Variants in NBAS observed in about 807,000 individuals in gnomAD.
NBAS encodes NAG/BC035112 fusion.
NBAS carries 219 observed loss-of-function variants against 302.5 expected under a neutral mutation model. The ratio of observed to expected loss-of-function variants is 0.72; its 90% confidence interval spans 0.65 to 0.81. The LOEUF (loss-of-function observed/expected upper bound fraction) is 0.81. Among genes scored for constraint, NBAS ranks in the 30% least tolerant of loss-of-function variants. NBAS has a pLI of 0.00. For synonymous variants in NBAS, 1,118 were observed against 1,021.6 expected (o/e 1.09, Z -1.80); for missense variants, 2,932 against 2,841.6 (o/e 1.03, Z -0.72).
At chr2:15,230,654 T>C (rs948115211) in intron 47 of NBAS, among the ~76,000 whole-genome samples, 4 of 152,166 alleles carry the variant, frequency 2.6e-5, no homozygotes, top group Non-Finnish European at 4.4e-5. Flanking sequence ...AGAAGCCCCA[T>C]TGAAAGGGGA....
At chr2:15,341,439 A>G (rs2148268860) in intron 35 of NBAS, among the ~76,000 whole-genome samples, 1 of 151,770 alleles carries the variant, frequency 6.6e-6, no homozygotes, top group Admixed American at 6.6e-5. Flanking sequence ...GTAAAAGAAA[A>G]CTGTTAACAC....
chr2:15,518,129 GA>G (rs5829507), intron 9 of NBAS, among the ~76,000 whole-genome samples: 70,710 of 134,088 alleles, frequency 0.53, 19,777 homozygotes, highest in Non-Finnish European at 0.67. Flanking sequence ...AAGTCTAGGG[GA>G]AAAAAAAAAA....
chr2:14,800,035 A>G, the NBAS span, among the ~76,000 whole-genome samples: 1 of 152,232 alleles, frequency 6.6e-6, no homozygotes, highest in African/African-American at 2.4e-5. Context: ...TGGAATGCAT[A>G]TACCACTAGC....
intron 29 of NBAS, among the ~76,000 whole-genome samples, chr2:15,381,852 T>C (rs1406192494): frequency 6.6e-6 from 1 of 152,216 alleles, no homozygotes; most frequent in Non-Finnish European, 1.5e-5. Context: ...CTCAACAGTC[T>C]ACATTAGCAC....
At chr2:15,011,500 T>C in the NBAS span, among the ~76,000 whole-genome samples, 3 of 152,154 alleles carry the variant, frequency 2.0e-5, no homozygotes, top group African/African-American at 4.8e-5. Flanking sequence ...CCATCCCTGA[T>C]AGGCATGTCC....
intron 48 of NBAS, among the ~76,000 whole-genome samples, chr2:15,210,316 GA>G (rs1162134559): frequency 1.3e-5 from 2 of 152,030 alleles, no homozygotes; most frequent in African/African-American, 4.8e-5. Context: ...GCGAAAATCT[GA>G]ATAGACATTT....
chr2:15,367,512 T>C (rs1436190357), intron 31 of NBAS, among the ~76,000 whole-genome samples: 2 of 152,322 alleles, frequency 1.3e-5, no homozygotes, highest in South Asian at 2.1e-4. Context: ...CAAACTCTTA[T>C]TAATAGAAGG....
intron 10 of NBAS, among the ~76,000 whole-genome samples, chr2:15,506,569 A>C (rs978886855): frequency 2.0e-5 from 3 of 152,198 alleles, no homozygotes; most frequent in Admixed American, 6.5e-5. Flanking sequence ...GTTATGGCAA[A>C]ACAGTTTTGA....
chr2:15,239,917 T>C (rs1198439057), intron 44 of NBAS, among the ~76,000 whole-genome samples: 1 of 152,164 alleles, frequency 6.6e-6, no homozygotes, highest in Non-Finnish European at 1.5e-5. Context: ...TATTAAAATA[T>C]TAAGCTCTTA....
At chr2:15,534,868 G>A (rs756829973) in intron 8 of NBAS, among the ~76,000 whole-genome samples, 14 of 152,104 alleles carry the variant, frequency 9.2e-5, no homozygotes, top group Non-Finnish European at 1.5e-4. Flanking sequence ...CTATGACCCA[G>A]CAATCCCACT....
chr2:15,381,525 G>A (rs560420160), intron 29 of NBAS, among the ~76,000 whole-genome samples: 1 of 152,190 alleles, frequency 6.6e-6, no homozygotes, highest in South Asian at 2.1e-4. Flanking sequence ...TTGTTTTGAT[G>A]GATTACTCCA....
the NBAS span, among the ~76,000 whole-genome samples, chr2:14,810,540 C>A: frequency 6.6e-6 from 1 of 152,166 alleles, no homozygotes; most frequent in Non-Finnish European, 1.5e-5. Context: ...CCAATTAAAT[C>A]TTTTTCTTTG....
the NBAS span, among the ~76,000 whole-genome samples, chr2:15,096,167 C>T: frequency 1.3e-5 from 2 of 152,366 alleles, no homozygotes; most frequent in Non-Finnish European, 2.9e-5. Flanking sequence ...AGCTCAGACA[C>T]AAGGCTGAAC....
At chr2:15,236,116 T>C (rs1667579728) in intron 45 of NBAS, among the ~76,000 whole-genome samples, 1 of 152,162 alleles carries the variant, frequency 6.6e-6, no homozygotes, top group Non-Finnish European at 1.5e-5. Context: ...TTTAGGAACC[T>C]CAAGAGTTTC....
the NBAS span, among the ~76,000 whole-genome samples, chr2:15,143,965 C>A: frequency 4.0e-5 from 6 of 149,808 alleles, no homozygotes; most frequent in African/African-American, 1.5e-4. Context: ...GCTCTCCTTG[C>A]TCCTCAGACC....
chr2:15,406,103 T>A (rs1267627315), intron 25 of NBAS, among the ~76,000 whole-genome samples: 18 of 115,044 alleles, frequency 1.6e-4, no homozygotes, highest in Non-Finnish European at 2.6e-4. Context: ...CAATAACATG[T>A]AAAAAAAAAA....
chr2:15,286,671 CT>C (rs1670058047), intron 42 of NBAS, among the ~76,000 whole-genome samples: 1 of 152,218 alleles, frequency 6.6e-6, no homozygotes, highest in Admixed American at 6.5e-5. Flanking sequence ...TGGGAAAAGC[CT>C]TTGCTAACTA....
At chr2:15,115,483 A>G in the NBAS span, among the ~76,000 whole-genome samples, 4 of 152,266 alleles carry the variant, frequency 2.6e-5, no homozygotes, top group South Asian at 6.2e-4. Context: ...CATACAGTAG[A>G]TATGCAAAAA....
chr2:15,237,564 T>A (rs745818925), intron 45 of NBAS, among the ~76,000 whole-genome samples: 1 of 50,034 alleles, frequency 2.0e-5, no homozygotes, highest in Non-Finnish European at 3.4e-5. Context: ...ATCAAAATAT[T>A]TATTTATTTA....
Sources: allele counts gnomAD v4.1 joint callset (sites outside exome capture counted in the v4.1 genomes callset), GRCh38; gene constraint gnomAD v4.1.1; transcripts MANE v1.5; gene names NCBI Gene and HGNC (gene_info 2026-07-23, HGNC 2026-07-21).